NFATC3: variants seen among roughly 807,000 people sequenced by gnomAD.
NFATC3 encodes nuclear factor of activated T-cells, cytoplasmic 3.
A neutral mutation model predicts 98.6 loss-of-function variants in NFATC3; 46 were observed. The observed-to-expected ratio is 0.47, with a 90% CI of 0.37 to 0.60. The LOEUF is 0.60. NFATC3 is among the 20% of genes least tolerant of loss of function. The pLI is 0.00. For synonymous variants in NFATC3, 512 were observed against 472.2 expected (o/e 1.08, Z -1.09); for missense variants, 1,256 against 1,295.5 (o/e 0.97, Z 0.47).
intron 1 of NFATC3, among the ~76,000 whole-genome samples, chr16:68,121,672 CAA>C (rs34100394): frequency 6.7e-4 from 49 of 73,340 alleles, no homozygotes; most frequent in Admixed American, 7.8e-4. Context: ...GACCCTGTCT[CAA>C]AAAAAAAAAA....
At chr16:68,192,230 A>AAT (rs1555522048) in intron 9 of NFATC3, 1,313 of 82,542 alleles carry the variant, frequency 0.016, 96 homozygotes, top group Middle Eastern at 0.045. Flanking sequence ...AAAAAAAAAA[A>AAT]ATATATATAT....
intron 9 of NFATC3, chr16:68,218,026 T>C: frequency 8.8e-7 from 1 of 1,138,408 alleles, no homozygotes; most frequent in East Asian, 4.4e-5. Flanking sequence ...GTCTGTAGCT[T>C]GAAAAATCAA....
intron 3 of NFATC3, among the ~76,000 whole-genome samples, chr16:68,139,716 A>T (rs976894703): frequency 3.3e-5 from 5 of 152,228 alleles, no homozygotes; most frequent in Non-Finnish European, 7.3e-5. Flanking sequence ...AAAATAAGTT[A>T]TCTGATTCAT....
At chr16:68,126,298 G>C (rs1001696619) in intron 2 of NFATC3, 150 bp from the exon 3 acceptor site, 8 of 614,986 alleles carry the variant, frequency 1.3e-5, no homozygotes, top group African/African-American at 5.5e-5. Context: ...ACCATAACCA[G>C]AATTGTAACT....
At chr16:68,114,853 G>A (rs903098590) in intron 1 of NFATC3, among the ~76,000 whole-genome samples, 8 of 152,068 alleles carry the variant, frequency 5.3e-5, no homozygotes, top group African/African-American at 1.4e-4. Context: ...GATTACAGGC[G>A]TCAGCCACCG....
intron 2 of NFATC3, among the ~76,000 whole-genome samples, chr16:68,123,497 CAAA>C (rs547564860): frequency 6.8e-5 from 5 of 73,848 alleles, no homozygotes; most frequent in Admixed American, 1.4e-4. Context: ...CCTGTCTCTA[CAAA>C]AAAAAAAAAA....
chr16:68,144,504 A>G (rs1800989130), intron 3 of NFATC3, among the ~76,000 whole-genome samples: 1 of 152,032 alleles, frequency 6.6e-6, no homozygotes, highest in South Asian at 2.1e-4. Context: ...TATTATCATT[A>G]TCATCATCAT....
At chr16:68,111,210 A>G (rs898358962) in intron 1 of NFATC3, among the ~76,000 whole-genome samples, 20 of 152,194 alleles carry the variant, frequency 1.3e-4, no homozygotes, top group African/African-American at 3.9e-4. Flanking sequence ...TCTGTCTGAT[A>G]TTGACAGTGG....
At chr16:68,097,735 G>A (rs1308731155) in intron 1 of NFATC3, among the ~76,000 whole-genome samples, 1 of 152,134 alleles carries the variant, frequency 6.6e-6, no homozygotes, top group African/African-American at 2.4e-5. Context: ...AGGTAAAATT[G>A]ACATTTAATA....
intron 4 of NFATC3, among the ~76,000 whole-genome samples, chr16:68,160,156 G>C (rs2038824811): frequency 1.3e-5 from 2 of 152,130 alleles, no homozygotes; most frequent in Non-Finnish European, 2.9e-5. Context: ...GATGAGCTGA[G>C]TGTACTCCCT....
chr16:68,138,207 T>G (rs2037548542), intron 3 of NFATC3, among the ~76,000 whole-genome samples: 1 of 151,724 alleles, frequency 6.6e-6, no homozygotes, highest in African/African-American at 2.4e-5. Flanking sequence ...ACCCAGTTAA[T>G]TTTTGTATTT....
At chr16:68,163,580 G>C (rs1368149486) in intron 4 of NFATC3, among the ~76,000 whole-genome samples, 1 of 151,972 alleles carries the variant, frequency 6.6e-6, no homozygotes, top group Admixed American at 6.5e-5. Flanking sequence ...TGGCTGCCGG[G>C]CGGAGACGCT....
At chr16:68,202,726 C>T (rs1030735939) in intron 9 of NFATC3, among the ~76,000 whole-genome samples, 4 of 152,142 alleles carry the variant, frequency 2.6e-5, no homozygotes, top group African/African-American at 7.2e-5. Flanking sequence ...GCAGGAGAAT[C>T]GCTTGAACCT....
At chr16:68,157,645 C>A (rs866774043) in intron 3 of NFATC3, among the ~76,000 whole-genome samples, 1 of 152,100 alleles carries the variant, frequency 6.6e-6, no homozygotes, top group Non-Finnish European at 1.5e-5. Context: ...AAAAACAAAA[C>A]CAAACCCACA....
intron 3 of NFATC3, among the ~76,000 whole-genome samples, chr16:68,138,015 CTCTT>C (rs930326616): frequency 1.3e-5 from 2 of 152,032 alleles, no homozygotes; most frequent in African/African-American, 4.8e-5. Flanking sequence ...AAGTCAGATA[CTCTT>C]TCTCTTACTT....
intron 3 of NFATC3, among the ~76,000 whole-genome samples, chr16:68,152,227 A>T (rs2038371189): frequency 6.6e-6 from 1 of 151,166 alleles, no homozygotes; most frequent in Non-Finnish European, 1.5e-5. Context: ...AAAAAAAAAA[A>T]AATTAGCTGG....
At chr16:68,221,291 G>A (rs368222556) in intron 9 of NFATC3, 2 of 1,613,604 alleles carry the variant, frequency 1.2e-6, no homozygotes, top group Admixed American at 1.7e-5. Flanking sequence ...AGAGGTGAGA[G>A]CCTGAACCCA....
chr16:68,124,736 C>T (rs1310132801), intron 2 of NFATC3, among the ~76,000 whole-genome samples: 1 of 148,024 alleles, frequency 6.8e-6, no homozygotes, highest in Admixed American at 6.8e-5. Flanking sequence ...CCCACCCGGC[C>T]TTCTCTTTTT....
chr16:68,209,762 GC>G (rs2041296545), intron 9 of NFATC3: 1 of 469,000 alleles, frequency 2.1e-6, no homozygotes, highest in Non-Finnish European at 4.2e-6. Context: ...GTGGTTCGTT[GC>G]AGTTGTGTAG....
Sources: allele counts gnomAD v4.1 joint callset (sites outside exome capture counted in the v4.1 genomes callset), GRCh38; gene constraint gnomAD v4.1.1; transcripts MANE v1.5; gene names NCBI Gene and HGNC (gene_info 2026-07-23, HGNC 2026-07-21).